The following OR3A2 variants were observed in gnomAD, a reference collection of about 807,000 sequenced individuals.
The protein encoded by OR3A2 is olfactory receptor family 3 subfamily A member 2, also known as olfactory receptor 3A2.
For synonymous variants in OR3A2, 126 were observed against 159.3 expected, an observed-to-expected ratio of 0.79 and a Z score of 1.57; for missense variants, 318 against 392.8, an observed-to-expected ratio of 0.81 and a Z score of 1.61.
At chr17:3,374,793 T>G (rs1391090666) in intron 2 of OR3A2, among the ~76,000 whole-genome samples, 1 of 152,190 alleles carries the variant, frequency 6.6e-6, no homozygotes, top group Admixed American at 6.5e-5. Context: ...TTTCTGAGAT[T>G]GTGGTGCACT....
intron 2 of OR3A2, among the ~76,000 whole-genome samples, chr17:3,376,321 T>C (rs2049683539): frequency 6.6e-6 from 1 of 151,862 alleles, no homozygotes; most frequent in African/African-American, 2.4e-5. Context: ...AATAATGGGG[T>C]TTCTCAGGTG....
At chr17:3,286,563 C>T (rs1209546039), upstream of OR3A2, among the ~76,000 whole-genome samples, 1 of 151,956 alleles carries the variant, frequency 6.6e-6, no homozygotes, top group East Asian at 1.9e-4. Flanking sequence ...TTCTCCACAT[C>T]CTCTCCAGCA....
At chr17:3,326,300 A>C (rs116916804) in intron 3 of OR3A2, among the ~76,000 whole-genome samples, 1,568 of 152,186 alleles carry the variant, frequency 0.01, 32 homozygotes, top group South Asian at 0.073. Context: ...ATTTGGGTTT[A>C]TACCCAGTAA....
In OR3A2 at chr17:3,306,679, C is replaced by CA. The variant is rs71153340; in HGVS notation, c.-84-27527dup. On this transcript the variant is annotated intron_variant, in intron 3 of 4. Transcript: ENST00000573491. ...GGGATCACTGTGCTCTACTACTCTT[C>CA]AAAAAAAAAAAAAAAACCGTAACCC... is the stretch of plus-strand genomic sequence containing the variant. Among the ~76,000 whole-genome samples, 294 of 109,268 alleles carry CA rather than the reference C, an allele frequency of 2.7e-3. 6 individuals carry two copies. The highest frequency in any genetic ancestry group is 7.8e-3 in the East Asian group (37 of 4,740). 71.7% of individuals were successfully genotyped at this position (109,268 alleles called of 152,430 possible).
chr17:3,349,897 C>T lies in OR3A2; in HGVS notation c.-178-13771G>A, dbSNP rs539515196. 6.2e-4 allele frequency among the ~76,000 whole-genome samples: 94 copies of T among 151,946 alleles called. No individual in the cohort carries two copies. In the South Asian group the frequency reaches 9.0e-3, roughly 15 times the overall value. ...AGAATCTCACTCAAAACCACTCAACCATATGGAAACTGAACAACCTGCTCC... is the reference window on the plus strand; with the variant it reads ...AGAATCTCACTCAAAACCACTCAACTATATGGAAACTGAACAACCTGCTCC... On this transcript the variant is annotated intron_variant, in intron 2 of 4. Coordinates refer to the OR3A2 transcript ENST00000573491.
intron 2 of OR3A2, among the ~76,000 whole-genome samples, chr17:3,371,608 GGGC>G (rs2049622437): frequency 7.4e-6 from 1 of 134,722 alleles, no homozygotes; most frequent in African/African-American, 2.8e-5. Context: ...GTGGCTGGCC[GGGC>G]AGAGGGGCTC....
At chr17:3,319,507 C>T (rs2049102449) in intron 3 of OR3A2, among the ~76,000 whole-genome samples, 1 of 152,052 alleles carries the variant, frequency 6.6e-6, no homozygotes, top group Non-Finnish European at 1.5e-5. Context: ...GGTATATCTC[C>T]TAATGCTATC....
intron 2 of OR3A2, among the ~76,000 whole-genome samples, chr17:3,341,074 A>G (rs993157259): frequency 6.6e-6 from 1 of 152,028 alleles, no homozygotes; most frequent in Non-Finnish European, 1.5e-5. Context: ...CTTATCAGAG[A>G]CTAGAATTGC....
upstream of OR3A2, among the ~76,000 whole-genome samples, chr17:3,285,048 A>G (rs945316947): frequency 5.3e-5 from 8 of 151,976 alleles, no homozygotes; most frequent in African/African-American, 1.9e-4. Context: ...GGGATCCTAT[A>G]ATGATTCTAG....
intron 3 of OR3A2, among the ~76,000 whole-genome samples, chr17:3,306,107 C>G (rs965008349): frequency 6.6e-6 from 1 of 152,152 alleles, no homozygotes; most frequent in Non-Finnish European, 1.5e-5. Flanking sequence ...AACAAGCCAA[C>G]AGTGGCTGAG....
At chr17:3,295,427 A>T (rs2048911510) in intron 3 of OR3A2, among the ~76,000 whole-genome samples, 1 of 152,122 alleles carries the variant, frequency 6.6e-6, no homozygotes, top group South Asian at 2.1e-4. Flanking sequence ...TTGGAACTCT[A>T]CACAAAGTTA....
chr17:3,375,032 T>A (rs2049667724), intron 2 of OR3A2, among the ~76,000 whole-genome samples: 2 of 151,520 alleles, frequency 1.3e-5, no homozygotes, highest in Admixed American at 1.3e-4. Flanking sequence ...ATATCCTGTA[T>A]TTTTTTTAAT....
At chr17:3,307,509 G>C (rs1171315951) in intron 3 of OR3A2, among the ~76,000 whole-genome samples, 1 of 152,174 alleles carries the variant, frequency 6.6e-6, no homozygotes, top group East Asian at 1.9e-4. Flanking sequence ...TAATGAACAA[G>C]GAATTAAAAT....
chr17:3,374,176 G>A (rs1352173862), intron 2 of OR3A2, among the ~76,000 whole-genome samples: 1 of 152,184 alleles, frequency 6.6e-6, no homozygotes, highest in African/African-American at 2.4e-5. Context: ...CTGTTAATCT[G>A]ATAGGTTTTC....
At chr17:3,348,853 CA>C (rs1271861621) in intron 2 of OR3A2, among the ~76,000 whole-genome samples, 1 of 152,098 alleles carries the variant, frequency 6.6e-6, no homozygotes, top group African/African-American at 2.4e-5. Context: ...CTCTACCAGC[CA>C]GAAGAGAGTG....
chr17:3,350,475 T>C (rs1386554133), intron 2 of OR3A2, among the ~76,000 whole-genome samples: 1 of 151,876 alleles, frequency 6.6e-6, no homozygotes, highest in Admixed American at 6.6e-5. Flanking sequence ...CTCCCAAGAC[T>C]AAACCAGGAA....
chr17:3,294,782 G>T (rs1214817565), intron 3 of OR3A2, among the ~76,000 whole-genome samples: 1 of 152,140 alleles, frequency 6.6e-6, no homozygotes, highest in Non-Finnish European at 1.5e-5. Context: ...ATGTAATGAA[G>T]AACATGCCTG....
chr17:3,326,852 C>T (rs912091837), intron 3 of OR3A2, among the ~76,000 whole-genome samples: 10 of 139,774 alleles, frequency 7.2e-5, no homozygotes, highest in Non-Finnish European at 1.2e-4. Flanking sequence ...TGATTTCCAA[C>T]TTCATCCATG....
At chr17:3,301,070 T>C (rs2048961752) in intron 3 of OR3A2, among the ~76,000 whole-genome samples, 1 of 152,218 alleles carries the variant, frequency 6.6e-6, no homozygotes, top group Non-Finnish European at 1.5e-5. Flanking sequence ...ATGTGCCACA[T>C]TTTCTTAATC....
Sources: gnomAD v4.1 joint callset for allele counts (sites outside exome capture counted in the v4.1 genomes callset) on GRCh38, gnomAD v4.1.1 for gene constraint, MANE v1.5 for transcripts, NCBI Gene and HGNC (gene_info 2026-07-23, HGNC 2026-07-21) for gene names.